The following ANKZF1 variants were observed in gnomAD, a reference collection of about 807,000 sequenced individuals.
The protein encoded by ANKZF1 is tRNA endonuclease ANKZF1.
ANKZF1 carries 84 observed loss-of-function variants against 86.0 expected under a neutral mutation model. The ratio of observed to expected loss-of-function variants is 0.98; its 90% CI spans 0.82 to 1.17. The LOEUF is 1.17. Ranked by LOEUF, ANKZF1 falls within the 50% of genes most tolerant of loss-of-function variation. The pLI is 0.00. For missense variants in ANKZF1, 893 were observed against 918.4 expected (o/e 0.97, Z 0.36); for synonymous variants, 331 against 354.2 (o/e 0.93, Z 0.74).
rs867126399 is a variant in ANKZF1, at chr2:219,233,698, G to C, written c.820-17G>C. 1.3e-6 allele frequency: 2 copies of C among 1,599,920 alleles called. No homozygotes were observed. The highest frequency in any genetic ancestry group is 1.3e-5 in the African/African-American group (1 of 74,362). ...AGCAAGTGAAGGTATGCAGGACTGA[G>C]TTACTCTCTTCTCTAGGATGTTCGT... On this transcript the variant is annotated splice_polypyrimidine_tract_variant and intron_variant, in intron 7 of 13. Coordinates refer to ENST00000323348, the MANE Select transcript of ANKZF1 (RefSeq NM_018089.3).
chr2:219,234,578 CT>C lies in ANKZF1; in HGVS notation c.1205-247del. On this transcript the variant is annotated intron_variant, in intron 9 of 13. Coordinates refer to ENST00000323348, the MANE Select transcript of ANKZF1 (RefSeq NM_018089.3). Reference sequence around the variant, plus strand: ...GGATGCTGTGGTTTGAGGCTGAGGGCTGCTTCCATGCTTTCCTCTATTGTGC... The same window carrying C: ...GGATGCTGTGGTTTGAGGCTGAGGGCGCTTCCATGCTTTCCTCTATTGTGC... The C allele has an allele frequency of 4.6e-6, 3 of 653,880 alleles. No homozygotes were observed. In the Admixed American group the frequency reaches 8.8e-5, roughly 19 times the overall value. 40.5% of individuals were successfully genotyped at this position (653,880 alleles called of 1,614,324 possible).
At chr2:219,233,618 C>T in intron 7 of ANKZF1, 97 bp from the exon 8 acceptor site, 1 of 1,436,188 alleles carries the variant, frequency 7.0e-7, no homozygotes, top group Non-Finnish European at 9.4e-7. Flanking sequence ...TTATCCTCTA[C>T]TTTCCACCCC....
chr2:219,234,832 G>C lies in ANKZF1; in HGVS notation c.1211G>C (p.Gly404Ala). ...ATGTCAGGTTTTTCCCTAGGTTCAG[G>C]GTCGGAGGGAGAAGATGGCTTTCAG... is the stretch of plus-strand genomic sequence containing the variant. ...QNEESPKQGS[G>A]SEGEDGFQVE... Residue 404 changes from glycine (G) to alanine (A), a missense_variant, in exon 10 of 14, where the codon GGG (glycine) becomes GCG (alanine). Physicochemically the swap from Gly to Ala is moderately conservative, Grantham distance 60 (BLOSUM62 0). Transcript: ENST00000323348. 6.2e-7 allele frequency: 1 copy of C among 1,609,794 alleles called. No individual in the cohort carries two copies.
chr2:219,236,077 C>T lies in ANKZF1; in HGVS notation c.2039C>T (p.Ser680Phe), dbSNP rs1951217507. ...GCCCCTACCTCTCCAATCCCTGACT[C>T]TGCAATCGTCAATACTCGGTATGGG... ...LGAPTSPIPD[S>F]AIVNTRRCWS... Residue 680 changes from serine to phenylalanine, a missense_variant, in exon 13 of 14, where the codon TCT (serine) becomes TTT (phenylalanine). By Grantham distance (155) the Ser-to-Phe change is radical. Coordinates refer to ENST00000323348, the MANE Select transcript of ANKZF1 (RefSeq NM_018089.3). 1 of 1,614,242 alleles carries T rather than the reference C, an allele frequency of 6.2e-7. No individual in the cohort carries two copies. The highest frequency in any genetic ancestry group is 8.5e-7 in the Non-Finnish European group (1 of 1,180,052).
rs1951247384 is a variant in ANKZF1 at position 219,236,634 on chromosome 2, A to G, written c.*189A>G. ...TACTGTCTCTGGAATTTTAATCACA[A>G]TAAAGTTTGGCAAGGAATGTGTACT... On this transcript the variant is annotated 3_prime_UTR_variant, in exon 14 of 14. Transcript: ENST00000323348. 1.3e-6 allele frequency: 1 copy of G among 784,230 alleles called. No individual in the cohort carries two copies. Among genetic ancestry groups the G allele is most frequent in the Non-Finnish European group, 1.9e-6 (1 of 520,952 alleles). The allele number at this position is 784,230 out of a possible 1,614,324, so 48.6% of individuals were successfully genotyped here.
Position 219,235,868 on chromosome 2 carries a change from G to A in ANKZF1, c.1964G>A (p.Arg655Gln), listed in dbSNP as rs759912179. The A allele has an allele frequency of 2.1e-5, 34 of 1,614,050 alleles. No homozygotes were observed. Among genetic ancestry groups the A allele is most frequent in the East Asian group, 1.6e-4 (7 of 44,890 alleles). The stretch of plus-strand genomic sequence containing the variant: ...CGGCGATTTGCCGCCCTCAGTGACC[G>A]AGAGAAGGTGAGGCTGGAGGTTCTC... Reference protein sequence around the residue: ...EQRRFAALSDREKRALAAERR... With the variant: ...EQRRFAALSDQEKRALAAERR... The change falls in exon 12 of 14, where the codon CGA (arginine) becomes CAA (glutamine). Residue 655 changes from arginine (R) to glutamine (Q), a missense_variant. Arg to Gln is a conservative substitution (Grantham distance 43, BLOSUM62 1). Coordinates refer to ENST00000323348, the MANE Select transcript of ANKZF1 (RefSeq NM_018089.3).
At chr2:219,230,182 G>A (rs1950986344) in intron 1 of ANKZF1, 46 bp from the exon 2 acceptor site, 2 of 1,534,400 alleles carry the variant, frequency 1.3e-6, no homozygotes, top group Non-Finnish European at 1.8e-6. Flanking sequence ...GCAGCAGTAG[G>A]ATCTCGTTTG....
In ANKZF1 at chr2:219,231,931, C is replaced by T. The variant is rs370759069; in HGVS notation, c.152C>T (p.Ser51Leu). 49 of 1,612,984 alleles carry T rather than the reference C, an allele frequency of 3.0e-5. No individual in the cohort carries two copies. The highest frequency in any genetic ancestry group is 1.6e-4 in the Middle Eastern group (1 of 6,080). Residue 51 changes from serine (S) to leucine (L), a missense_variant, in exon 3 of 14, where the codon TCA becomes TTA. By Grantham distance (145) the Ser-to-Leu change is moderately radical (BLOSUM62 -2). Transcript: ENST00000323348. The part of the protein sequence containing the change: ...ARAPRTSCSG[S>L]GERESPERKL... ...CAATTCCTCTTCCCTTATTTAGGCT[C>T]AGGGGAGAGAGAAAGCCCAGAAAGA...
intron 5 of ANKZF1, 58 bp downstream of exon 5, chr2:219,232,741 T>C (rs749409633): frequency 2.3e-4 from 364 of 1,552,804 alleles, no homozygotes; most frequent in Non-Finnish European, 3.1e-4. Context: ...CCAGCCTAGA[T>C]TTCCCTTAGC....
intron 1 of ANKZF1, 96 bp from the exon 2 acceptor site, chr2:219,230,132 C>T: frequency 1.9e-6 from 2 of 1,038,944 alleles, no homozygotes; most frequent in South Asian, 1.7e-5. Context: ...GACGAGAAGT[C>T]TTGCGGTGCA....
rs1951118131 is a variant in ANKZF1 at position 219,233,769 on chromosome 2, G to A, written c.874G>A (p.Gly292Ser). The A allele has an allele frequency of 1.2e-6, 2 of 1,614,094 alleles. No homozygotes were observed. Among genetic ancestry groups the A allele is most frequent in the Non-Finnish European group, 8.5e-7 (1 of 1,180,020 alleles). The change falls in exon 8 of 14, where the codon GGT (glycine) becomes AGT (serine). Residue 292 changes from glycine to serine, a missense_variant. Physicochemically the swap from Gly to Ser is moderately conservative, Grantham distance 56 (BLOSUM62 0). Coordinates refer to ENST00000323348, the MANE Select transcript of ANKZF1 (RefSeq NM_018089.3). ...PSWAKALEEA[G>S]TILLRAPRSG... ...CTGGGCTAAGGCGCTGGAGGAGGCT[G>A]GTACAATACTGTTGCGTGCTCCCCG...
Position 219,233,870 on chromosome 2 carries a change from C to T in ANKZF1, c.975C>T (p.Pro325=). The T allele has an allele frequency of 6.2e-7, 1 of 1,612,150 alleles. No individual in the cohort carries two copies. Among genetic ancestry groups the T allele is most frequent in the South Asian group, 1.1e-5 (1 of 90,872 alleles). ...GGGATCCCCGACTTTGGGATATCCC[C>T]CTCGCCACCCGCAGACCCACCTTCC... The part of the protein sequence containing the change: ...QRGDPRLWDI[P]LATRRPTFQE... Residue 325 remains proline (P), a synonymous_variant, in exon 8 of 14, where the codon CCC becomes CCT. Transcript: ENST00000323348.
Position 219,232,333 on chromosome 2 carries a change from C to T in ANKZF1, c.335C>T (p.Ala112Val). 1 of 1,614,226 alleles carries T rather than the reference C, an allele frequency of 6.2e-7. No homozygotes were observed. Residue 112 changes from alanine to valine, a missense_variant, in exon 4 of 14, where the codon GCC becomes GTC. Physicochemically the swap from Ala to Val is moderately conservative, Grantham distance 64. Transcript: ENST00000323348. Reference sequence around the variant, plus strand: ...CTCAAGGACAAGCCTCTCCTGTCTGCCCTGGACTTTGAAAAGCAGAGCTCC... The same window carrying T: ...CTCAAGGACAAGCCTCTCCTGTCTGTCCTGGACTTTGAAAAGCAGAGCTCC... ...QRLKDKPLLS[A>V]LDFEKQSSTG...
Position 219,235,724 on chromosome 2 carries a change from C to T in ANKZF1, c.1820C>T (p.Thr607Ile). ...YNKAQVPGPLTPEMEARQATR... is the reference protein window; with the variant it reads ...YNKAQVPGPLIPEMEARQATR... ...ATCCTCCAGGTGCCAGGACCATTGACACCAGAAATGGAGGCACGGCAGGCT... is the reference window on the plus strand; with the variant it reads ...ATCCTCCAGGTGCCAGGACCATTGATACCAGAAATGGAGGCACGGCAGGCT... The change falls in exon 12 of 14, where the codon ACA becomes ATA. Residue 607 changes from threonine to isoleucine, a missense_variant. Coordinates refer to ENST00000323348, the MANE Select transcript of ANKZF1 (RefSeq NM_018089.3). 1 of 1,614,146 alleles carries T rather than the reference C, an allele frequency of 6.2e-7. No homozygotes were observed. Among genetic ancestry groups the T allele is most frequent in the Non-Finnish European group, 8.5e-7 (1 of 1,180,024 alleles).
intron 6 of ANKZF1, 33 bp downstream of exon 6, chr2:219,233,224 G>T: frequency 6.2e-7 from 1 of 1,614,212 alleles, no homozygotes; most frequent in Non-Finnish European, 8.5e-7. Flanking sequence ...TAAGGATGGA[G>T]TGGATCCTGT....
In ANKZF1 at chr2:219,234,951, AAGG is replaced by A. The variant is rs777337376; in HGVS notation, c.1333_1335del (p.Glu445del). The A allele has an allele frequency of 2.5e-6, 4 of 1,614,196 alleles. No individual in the cohort carries two copies. The South Asian group carries it at 4.4e-5, about 18-fold the overall frequency. On this transcript the variant is annotated inframe_deletion, in exon 10 of 14. Transcript: ENST00000323348. ...GCGGAGGAGGAGAAAAAGGAATAAG[AAGG>A]AGAAAAGCCGAGACCAGGAGGCTGG...
chr2:219,230,544 CTCTGGGT>C, intron 2 of ANKZF1, 139 bp downstream of exon 2: 2 of 1,203,932 alleles, frequency 1.7e-6, no homozygotes, highest in Non-Finnish European at 2.3e-6. Context: ...TTCACTTAAT[CTCTGGGT>C]AATGTCCAGC....
Position 219,231,979 on chromosome 2 carries a change from A to G in ANKZF1, c.200A>G (p.Asp67Gly). Residue 67 changes from aspartate (D) to glycine (G), a missense_variant, in exon 3 of 14, where the codon GAT becomes GGT. Physicochemically the swap from Asp to Gly is moderately conservative, Grantham distance 94 (BLOSUM62 -1). Coordinates refer to ENST00000323348, the MANE Select transcript of ANKZF1 (RefSeq NM_018089.3). Reference sequence around the variant, plus strand: ...AGAAAGCTACTCCAGGGTCCTATGGATATTTCAGAGAAGTTATTTTGTTCA... The same window carrying G: ...AGAAAGCTACTCCAGGGTCCTATGGGTATTTCAGAGAAGTTATTTTGTTCA... ...PERKLLQGPM[D>G]ISEKLFCSTC... 1 of 1,613,688 alleles carries G rather than the reference A, an allele frequency of 6.2e-7. No individual in the cohort carries two copies. Among genetic ancestry groups the G allele is most frequent in the Non-Finnish European group, 8.5e-7 (1 of 1,179,920 alleles).
chr2:219,233,853 C>T lies in ANKZF1; in HGVS notation c.958C>T (p.Arg320Ter), dbSNP rs555146150. 29 of 1,613,364 alleles carry T rather than the reference C, an allele frequency of 1.8e-5. 1 individual carries two copies. The highest frequency in any genetic ancestry group is 1.1e-4 in the South Asian group (10 of 90,994). ...AGCACCCCTGCAAAGGGGGGATCCCCGACTTTGGGATATCCCCCTCGCCAC... is the reference window on the plus strand; with the variant it reads ...AGCACCCCTGCAAAGGGGGGATCCCTGACTTTGGGATATCCCCCTCGCCAC... ...KGAPLQRGDP[R>*]LWDIPLATRR... Residue 320 changes from arginine (R) to a stop codon, truncating the protein, a stop_gained, in exon 8 of 14, where the codon CGA (arginine) becomes TGA (stop). Transcript: ENST00000323348. LOFTEE classifies it high-confidence loss of function.
Sources: allele counts gnomAD v4.1 joint callset, GRCh38; gene constraint gnomAD v4.1.1; transcripts MANE v1.5; gene names NCBI Gene and HGNC (gene_info 2026-07-23, HGNC 2026-07-21).